Variants in CDH13 observed in about 807,000 individuals in gnomAD.
CDH13 encodes the protein cadherin-13.
CDH13 carries 24 observed loss-of-function variants against 63.8 expected under a neutral mutation model. The observed-to-expected ratio is 0.38, with a 90% confidence interval of 0.27 to 0.53. The LOEUF is 0.53. CDH13 is among the 20% of genes least tolerant of loss of function. The pLI is 0.85. For missense variants in CDH13, 1,049 were observed against 903.1 expected, an observed-to-expected ratio of 1.16 and a Z score of -2.07; for synonymous variants, 503 against 355.3, an observed-to-expected ratio of 1.42 and a Z score of -4.67.
chr16:83,060,452 T>C (rs144074802), intron 3 of CDH13, among the ~76,000 whole-genome samples: 183 of 152,318 alleles, frequency 1.2e-3, no homozygotes, highest in African/African-American at 4.1e-3. Context: ...AGAGTCTTCC[T>C]GATGTTTACT....
intron 2 of CDH13, among the ~76,000 whole-genome samples, chr16:82,993,816 A>C (rs751167514): frequency 7.2e-5 from 11 of 152,156 alleles, no homozygotes; most frequent in Admixed American, 2.0e-4. Context: ...CTGAAACGTC[A>C]TTTTGACAGG....
intron 3 of CDH13, among the ~76,000 whole-genome samples, chr16:83,054,562 G>C (rs2030726399): frequency 6.6e-6 from 1 of 151,510 alleles, no homozygotes; most frequent in African/African-American, 2.4e-5. Flanking sequence ...GAATGGCTCA[G>C]AATTTAAAAC....
intron 1 of CDH13, among the ~76,000 whole-genome samples, chr16:82,662,595 C>T (rs1252445666): frequency 6.6e-6 from 1 of 152,198 alleles, no homozygotes; most frequent in Non-Finnish European, 1.5e-5. Flanking sequence ...AGGTCTTGCC[C>T]AGGCATACCC....
At position 83,348,787 on chromosome 16, in the gene CDH13, A is replaced by T. The variant is rs140230418; in HGVS notation, c.781+3781A>T. 5.8e-3 allele frequency among the ~76,000 whole-genome samples: 878 copies of T among 152,328 alleles called. 12 individuals are homozygous for T. The highest frequency in any genetic ancestry group is 0.021 in the African/African-American group (853 of 41,572). ...AACAGTAGCTACCTTAGAGAAGTAT[A>T]TGTGAGGATTCAGTGAGACAACATG... On this transcript the variant is annotated intron_variant, in intron 6 of 13. Coordinates refer to ENST00000567109, the MANE Select transcript of CDH13 (RefSeq NM_001257.5).
chr16:83,744,219 G>A (rs1001220107), intron 10 of CDH13, among the ~76,000 whole-genome samples: 10 of 152,180 alleles, frequency 6.6e-5, no homozygotes, highest in African/African-American at 1.9e-4. Context: ...AGAGCCGTCA[G>A]GGCCCGTGTT....
chr16:82,748,499 TG>T (rs2034276511), intron 1 of CDH13, among the ~76,000 whole-genome samples: 2 of 152,210 alleles, frequency 1.3e-5, no homozygotes, highest in South Asian at 4.1e-4. Context: ...TTTGGTTGTA[TG>T]GGATAGATAT....
chr16:82,957,773 G>A (rs1212033489), intron 2 of CDH13, among the ~76,000 whole-genome samples: 1 of 152,144 alleles, frequency 6.6e-6, no homozygotes, highest in Non-Finnish European at 1.5e-5. Flanking sequence ...AAATTACCTA[G>A]GAAATATCTG....
At chr16:83,571,512 G>C (rs748370222) in intron 7 of CDH13, among the ~76,000 whole-genome samples, 7 of 152,102 alleles carry the variant, frequency 4.6e-5, no homozygotes, top group Non-Finnish European at 5.9e-5. Context: ...TTGAAAGAAT[G>C]ATCTTGAACA....
chr16:82,634,286 C>T (rs2150872433), intron 1 of CDH13, among the ~76,000 whole-genome samples: 1 of 152,368 alleles, frequency 6.6e-6, no homozygotes, highest in South Asian at 2.1e-4. Flanking sequence ...CTCTTTCCCT[C>T]AAGGTGTCAG....
intron 1 of CDH13, among the ~76,000 whole-genome samples, chr16:82,855,327 G>A (rs1235983095): frequency 2.0e-5 from 3 of 152,162 alleles, no homozygotes; most frequent in Non-Finnish European, 4.4e-5. Flanking sequence ...ATCACTAACT[G>A]TGGTTTCTCT....
At chr16:82,879,373 C>A (rs2040614689) in intron 2 of CDH13, among the ~76,000 whole-genome samples, 1 of 151,254 alleles carries the variant, frequency 6.6e-6, no homozygotes, top group Non-Finnish European at 1.5e-5. Context: ...GTCATCTGAT[C>A]ATGGCCCCTC....
At chr16:82,646,489 T>C (rs7205417) in intron 1 of CDH13, among the ~76,000 whole-genome samples, 34,186 of 152,138 alleles carry the variant, frequency 0.22, 5,312 homozygotes, top group African/African-American at 0.44. Flanking sequence ...TCACCGCGCC[T>C]GGCCTAAGCA....
At chr16:83,093,701 C>A (rs1236281570) in intron 3 of CDH13, among the ~76,000 whole-genome samples, 1 of 152,186 alleles carries the variant, frequency 6.6e-6, no homozygotes, top group African/African-American at 2.4e-5. Flanking sequence ...CCATGCACAT[C>A]TTCATGCCGG....
At chr16:83,461,338 T>A (rs1210461798) in intron 6 of CDH13, among the ~76,000 whole-genome samples, 1 of 152,152 alleles carries the variant, frequency 6.6e-6, no homozygotes, top group African/African-American at 2.4e-5. Flanking sequence ...AACATTTTTA[T>A]CAATAATTTA....
chr16:82,952,176 C>G (rs1002357127), intron 2 of CDH13, among the ~76,000 whole-genome samples: 8 of 152,190 alleles, frequency 5.3e-5, no homozygotes, highest in Admixed American at 1.3e-4. Flanking sequence ...AAGAACTGGT[C>G]TCTTGTTAAC....
At chr16:83,498,073 A>G (rs1180607366) in intron 7 of CDH13, among the ~76,000 whole-genome samples, 1 of 152,348 alleles carries the variant, frequency 6.6e-6, no homozygotes, top group Non-Finnish European at 1.5e-5. Context: ...CAACAGAAAA[A>G]GAGTAAACGA....
At chr16:83,516,668 A>C (rs2074705032) in intron 7 of CDH13, among the ~76,000 whole-genome samples, 1 of 152,218 alleles carries the variant, frequency 6.6e-6, no homozygotes, top group Non-Finnish European at 1.5e-5. Flanking sequence ...ATCAGAAGAT[A>C]ATTTGTAAGT....
At chr16:83,682,642 G>A (rs868226465) in intron 10 of CDH13, among the ~76,000 whole-genome samples, 1 of 151,670 alleles carries the variant, frequency 6.6e-6, no homozygotes, top group Non-Finnish European at 1.5e-5. Context: ...CTACCTATCC[G>A]GCCTCACTCC....
intron 3 of CDH13, among the ~76,000 whole-genome samples, chr16:83,105,645 A>C (rs115446515): frequency 1.3e-5 from 2 of 149,624 alleles, no homozygotes; most frequent in Non-Finnish European, 2.9e-5. Flanking sequence ...TTAAATAGAT[A>C]CTACTTATTA....
Sources: gnomAD v4.1 joint callset for allele counts (sites outside exome capture counted in the v4.1 genomes callset) on GRCh38, gnomAD v4.1.1 for gene constraint, MANE v1.5 for transcripts, NCBI Gene and HGNC (gene_info 2026-07-23, HGNC 2026-07-21) for gene names.